Variants in FTO observed in about 807,000 individuals in gnomAD.
The protein encoded by FTO is FTO alpha-ketoglutarate dependent dioxygenase, also known as alpha-ketoglutarate-dependent dioxygenase FTO.
FTO carries 47 observed loss-of-function variants against 63.9 expected under a neutral mutation model. The ratio of observed to expected loss-of-function variants is 0.74; its 90% confidence interval spans 0.58 to 0.94. The LOEUF (loss-of-function observed/expected upper bound fraction) is 0.94. Ranked by LOEUF, FTO falls within the 40% of genes least tolerant of loss-of-function variation. FTO has a pLI of 0.00. For missense variants in FTO, 562 were observed against 618.1 expected (o/e 0.91, Z 0.96); for synonymous variants, 207 against 224.4 (o/e 0.92, Z 0.69).
chr16:53,881,031 A>T (rs2151892871), intron 6 of FTO, among the ~76,000 whole-genome samples: 2 of 151,116 alleles, frequency 1.3e-5, no homozygotes, highest in East Asian at 3.9e-4. Context: ...CTGAAGCAGG[A>T]GAATGGCATG....
chr16:53,945,008 G>C (rs975028282), intron 8 of FTO, among the ~76,000 whole-genome samples: 2 of 152,166 alleles, frequency 1.3e-5, no homozygotes, highest in Non-Finnish European at 2.9e-5. Context: ...GAATTGACAG[G>C]TGGAGGGCTG....
chr16:53,704,038 T>C, upstream of FTO: 1 of 865,808 alleles, frequency 1.2e-6, no homozygotes, highest in East Asian at 2.7e-5. Context: ...GTCGCCGCGG[T>C]GCATCCTGGG....
intron 7 of FTO, among the ~76,000 whole-genome samples, chr16:53,896,815 A>G (rs1385281327): frequency 6.6e-6 from 1 of 152,128 alleles, no homozygotes; most frequent in Non-Finnish European, 1.5e-5. Context: ...CAGGAGCTAA[A>G]GGGACTCACA....
intron 8 of FTO, among the ~76,000 whole-genome samples, chr16:53,954,438 C>T (rs914120251): frequency 6.6e-6 from 1 of 152,014 alleles, no homozygotes; most frequent in African/African-American, 2.4e-5. Context: ...AGGCAGATGG[C>T]GTACCTTGAC....
chr16:53,717,699 A>T (rs1436807715), intron 1 of FTO, among the ~76,000 whole-genome samples: 1 of 151,908 alleles, frequency 6.6e-6, no homozygotes, highest in African/African-American at 2.4e-5. Flanking sequence ...TTTTCATGTA[A>T]TTGTTAAAAT....
intron 1 of FTO, among the ~76,000 whole-genome samples, chr16:53,762,968 A>ACT (rs2077104437): frequency 2.0e-5 from 2 of 101,938 alleles, no homozygotes. Context: ...AGAGTAAAGA[A>ACT]CTGAATATAG....
intron 8 of FTO, among the ~76,000 whole-genome samples, chr16:54,001,234 GA>G (rs1346949607): frequency 1.3e-5 from 2 of 152,178 alleles, no homozygotes; most frequent in African/African-American, 4.8e-5. Flanking sequence ...TTAAATGAGA[GA>G]AAGTGCAAGG....
At chr16:53,891,783 AG>A (rs1252747530) in intron 7 of FTO, among the ~76,000 whole-genome samples, 1 of 152,258 alleles carries the variant, frequency 6.6e-6, no homozygotes, top group African/African-American at 2.4e-5. Flanking sequence ...AATAATTTGA[AG>A]GTGGTGGCAC....
rs2086896961 is a variant in FTO, at chr16:54,111,848, C to G, written c.1451C>G (p.Pro484Arg). 1 of 1,614,084 alleles carries G rather than the reference C, an allele frequency of 6.2e-7. No homozygotes were observed. Among genetic ancestry groups the G allele is most frequent in the African/African-American group, 1.3e-5 (1 of 74,924 alleles). Residue 484 changes from proline (P) to arginine (R), a missense_variant, in exon 9 of 9, where the codon CCT (proline) becomes CGT (arginine). Physicochemically the swap from Pro to Arg is moderately radical, Grantham distance 103. Transcript: ENST00000471389. ...PYWEKDDASM[P>R]LPFDLTDIVS... is the part of the protein sequence containing the mutation. Reference sequence around the variant, plus strand: ...TGGGAAAAGGATGATGCTTCGATGCCTCTGCCGTTTGACCTCACAGACATC... The same window carrying G: ...TGGGAAAAGGATGATGCTTCGATGCGTCTGCCGTTTGACCTCACAGACATC...
chr16:53,936,916 A>G (rs970212243), intron 8 of FTO, among the ~76,000 whole-genome samples: 3 of 152,216 alleles, frequency 2.0e-5, no homozygotes, highest in Admixed American at 1.3e-4. Flanking sequence ...TCTCTTTAGC[A>G]GGTTCATTTG....
chr16:53,785,857 C>T (rs1036628942), intron 1 of FTO, among the ~76,000 whole-genome samples: 2 of 149,786 alleles, frequency 1.3e-5, no homozygotes, highest in African/African-American at 2.4e-5. Flanking sequence ...TTGCAGTTAG[C>T]CGAGATTCCG....
At chr16:53,731,936 G>T (rs2076279562) in intron 1 of FTO, among the ~76,000 whole-genome samples, 2 of 151,866 alleles carry the variant, frequency 1.3e-5, no homozygotes, top group Non-Finnish European at 2.9e-5. Context: ...ATGTTGGCCC[G>T]GCTGGTCTCA....
intron 5 of FTO, among the ~76,000 whole-genome samples, chr16:53,877,833 C>T (rs1270631867): frequency 6.6e-6 from 1 of 152,070 alleles, no homozygotes; most frequent in Non-Finnish European, 1.5e-5. Flanking sequence ...CCACCCCTCT[C>T]TCTTTTTGTT....
Position 53,906,714 on chromosome 16 carries a change from C to T in FTO, c.1239+17763C>T, listed in dbSNP as rs531236342. ...TGGCTATTTCCTATGGAGAGAATAA[C>T]GTGTAGAGTGGTAGAAGCAGGAAGA... On this transcript the variant is annotated intron_variant, in intron 7 of 8. Coordinates refer to ENST00000471389, the MANE Select transcript of FTO (RefSeq NM_001080432.3). Among the ~76,000 whole-genome samples, 90 of 152,182 alleles carry T rather than the reference C, an allele frequency of 5.9e-4. 1 individual carries two copies. The highest frequency in any genetic ancestry group is 2.0e-3 in the African/African-American group (81 of 41,512).
chr16:53,723,736 G>A (rs1051486336), intron 1 of FTO, among the ~76,000 whole-genome samples: 2 of 152,160 alleles, frequency 1.3e-5, no homozygotes, highest in African/African-American at 2.4e-5. Context: ...AGGACCTAAC[G>A]AAAAGGCACA....
chr16:54,083,256 C>G (rs546854823), intron 8 of FTO, among the ~76,000 whole-genome samples: 1 of 152,200 alleles, frequency 6.6e-6, no homozygotes, highest in South Asian at 2.1e-4. Context: ...CCCTTGAAAG[C>G]AGCCCATTAT....
At chr16:53,725,401 C>T (rs57337692) in intron 1 of FTO, among the ~76,000 whole-genome samples, 8,854 of 152,176 alleles carry the variant, frequency 0.058, 833 homozygotes, top group African/African-American at 0.2. Flanking sequence ...TCATTGTGAA[C>T]GGCATTATTT....
chr16:54,042,247 T>C (rs2085098380), intron 8 of FTO, among the ~76,000 whole-genome samples: 3 of 143,170 alleles, frequency 2.1e-5, no homozygotes, highest in Non-Finnish European at 3.0e-5. Flanking sequence ...CCAGTGTGTG[T>C]GCGCACCGTG....
intron 4 of FTO, among the ~76,000 whole-genome samples, chr16:53,856,099 T>A (rs2079983259): frequency 6.6e-6 from 1 of 152,156 alleles, no homozygotes; most frequent in Non-Finnish European, 1.5e-5. Context: ...AGAAAATTTT[T>A]TTTTTTAGGC....
Sources: allele counts gnomAD v4.1 joint callset (sites outside exome capture counted in the v4.1 genomes callset), GRCh38; gene constraint gnomAD v4.1.1; transcripts MANE v1.5; gene names NCBI Gene and HGNC (gene_info 2026-07-23, HGNC 2026-07-21).